SGIP1: variants seen among roughly 807,000 people sequenced by gnomAD.
SGIP1 encodes SH3-containing GRB2-like protein 3-interacting protein 1.
Under a neutral mutation model 107.5 loss-of-function variants are expected in SGIP1, and 38 were observed. The observed-to-expected ratio is 0.35, with a 90% CI of 0.27 to 0.46. The LOEUF is 0.46. SGIP1 is among the 20% of genes least tolerant of loss of function. The probability of loss-of-function intolerance (pLI) is 1.00; values close to 1 mark genes in which losing one functional copy is unlikely to be tolerated. For missense variants in SGIP1, 929 were observed against 1,019.5 expected, an observed-to-expected ratio of 0.91 and a Z score of 1.21; for synonymous variants, 365 against 366.1, an observed-to-expected ratio of 1.00 and a Z score of 0.03.
rs201209700 is a variant in SGIP1, at chr1:66,676,984, ATCT to A, written c.647-15_647-13del. 3,772 of 1,587,310 alleles carry A rather than the reference ATCT, an allele frequency of 2.4e-3. 84 individuals carry two copies. The African/African-American group carries it at 0.045, about 19-fold the overall frequency. On this transcript the variant is annotated splice_polypyrimidine_tract_variant and intron_variant, in intron 12 of 24. Transcript: ENST00000371037. ...GATTTTTTTTAACTCACCCTGGGAA[ATCT>A]TCTTTTTTGTTTCCAGTTCTTTTAG...
At chr1:66,639,944 AG>A in intron 5 of SGIP1, 111 bp downstream of exon 5, 1 of 828,298 alleles carries the variant, frequency 1.2e-6, no homozygotes, top group South Asian at 1.7e-5. Context: ...CCATGTCATT[AG>A]GAAGTGTCTG....
chr1:66,643,698 C>G lies in SGIP1; in HGVS notation c.438C>G (p.Ile146Met). ...VDELKASIGN[I>M]ALSPSPVRKS... ...AATTGAAGGCATCAATAGGCAACAT[C>G]GCACTTTCCCCATCACCAGTGGTGA... is the stretch of plus-strand genomic sequence containing the variant. The change falls in exon 7 of 25, where the codon ATC (isoleucine) becomes ATG (methionine). Residue 146 changes from isoleucine to methionine, a missense_variant. Ile to Met is a conservative substitution (Grantham distance 10). This residue lies in a region of SGIP1 where 588 missense variants were observed against 588.6 expected (regional missense o/e 1.00). Transcript: ENST00000371037. The G allele has an allele frequency of 6.2e-7, 1 of 1,609,638 alleles. No individual in the cohort carries two copies. Among genetic ancestry groups the G allele is most frequent in the African/African-American group, 1.3e-5 (1 of 74,608 alleles).
intron 15 of SGIP1, among the ~76,000 whole-genome samples, chr1:66,688,411 G>A (rs116317269): frequency 0.012 from 1,819 of 152,240 alleles, 36 homozygotes; most frequent in African/African-American, 0.041. Flanking sequence ...TGTTTCATAC[G>A]TTTGTCATTG....
At chr1:66,690,897 C>T (rs2089684375) in intron 17 of SGIP1, among the ~76,000 whole-genome samples, 2 of 152,040 alleles carry the variant, frequency 1.3e-5, no homozygotes, top group Non-Finnish European at 1.5e-5. Flanking sequence ...TCAGGAAATG[C>T]CTTTATGCCT....
At chr1:66,667,827 G>A (rs1423127367) in intron 9 of SGIP1, among the ~76,000 whole-genome samples, 3 of 152,180 alleles carry the variant, frequency 2.0e-5, no homozygotes, top group Non-Finnish European at 4.4e-5. Context: ...GTGTGTGTGT[G>A]TGTATGTGTA....
intron 15 of SGIP1, among the ~76,000 whole-genome samples, chr1:66,688,226 T>C (rs926876841): frequency 5.3e-5 from 8 of 152,094 alleles, no homozygotes; most frequent in African/African-American, 1.4e-4. Context: ...ACCTCAGGAG[T>C]AGTCAGAACT....
intron 19 of SGIP1, among the ~76,000 whole-genome samples, chr1:66,725,889 C>T (rs2093730380): frequency 1.3e-5 from 2 of 152,278 alleles, no homozygotes; most frequent in South Asian, 2.1e-4. Context: ...TGGGTGCTGC[C>T]GCCACCATGC....
intron 1 of SGIP1, among the ~76,000 whole-genome samples, chr1:66,621,831 TG>T (rs1453585962): frequency 2.0e-5 from 3 of 152,228 alleles, no homozygotes; most frequent in African/African-American, 7.2e-5. Context: ...GGCCACATTT[TG>T]CTTATCCATT....
chr1:66,676,205 A>G (rs1400906540), intron 12 of SGIP1, among the ~76,000 whole-genome samples: 1 of 152,226 alleles, frequency 6.6e-6, no homozygotes, highest in Non-Finnish European at 1.5e-5. Flanking sequence ...CCAAGGTCCT[A>G]CGGTCAGTGC....
rs780602586 is a variant in SGIP1 at position 66,550,152 on chromosome 1, G to A, written c.10+15784G>A. ...TCTTTCTTGTTCACCACTGGCCTAG[G>A]TCCTAGGCCATAAATCTAATCTTCA... On this transcript the variant is annotated intron_variant, in intron 1 of 24. Transcript: ENST00000371037. 3.8e-4 allele frequency among the ~76,000 whole-genome samples: 58 copies of A among 152,014 alleles called. 1 individual carries two copies. Among genetic ancestry groups the A allele is most frequent in the Non-Finnish European group, 1.5e-4 (10 of 67,992 alleles).
At chr1:66,560,794 CACTA>C (rs919492797) in intron 1 of SGIP1, among the ~76,000 whole-genome samples, 1 of 152,036 alleles carries the variant, frequency 6.6e-6, no homozygotes, top group Non-Finnish European at 1.5e-5. Flanking sequence ...TCAGTTATGC[CACTA>C]ACTGTGTGAC....
intron 1 of SGIP1, among the ~76,000 whole-genome samples, chr1:66,597,628 C>G (rs2064978957): frequency 6.6e-6 from 1 of 152,132 alleles, no homozygotes; most frequent in Non-Finnish European, 1.5e-5. Context: ...GATCTTACTT[C>G]CTCAGAATCC....
At chr1:66,647,005 G>C (rs1261807046) in intron 7 of SGIP1, among the ~76,000 whole-genome samples, 2 of 152,142 alleles carry the variant, frequency 1.3e-5, no homozygotes, top group Non-Finnish European at 2.9e-5. Flanking sequence ...CATCACCCAG[G>C]TTTGCCATCT....
intron 7 of SGIP1, among the ~76,000 whole-genome samples, chr1:66,646,374 T>C (rs1362654875): frequency 6.6e-6 from 1 of 152,194 alleles, no homozygotes; most frequent in East Asian, 1.9e-4. Flanking sequence ...AAACTATGGT[T>C]TTTATACTAC....
At chr1:66,607,314 C>T (rs1179619345) in intron 1 of SGIP1, among the ~76,000 whole-genome samples, 1 of 152,210 alleles carries the variant, frequency 6.6e-6, no homozygotes. Flanking sequence ...CCACAGTGTT[C>T]AGGTAGCCCA....
At chr1:66,675,247 G>C (rs769427871) in intron 12 of SGIP1, among the ~76,000 whole-genome samples, 7 of 152,158 alleles carry the variant, frequency 4.6e-5, no homozygotes, top group African/African-American at 9.7e-5. Context: ...TGAAGAAAAT[G>C]CTGCTTCGTA....
intron 5 of SGIP1, among the ~76,000 whole-genome samples, chr1:66,642,597 T>C (rs2076983364): frequency 6.6e-6 from 1 of 152,150 alleles, no homozygotes. Flanking sequence ...GACAGTTGAT[T>C]CCTCCTCGTT....
At chr1:66,720,176 T>G (rs1233749701) in intron 19 of SGIP1, among the ~76,000 whole-genome samples, 1 of 152,170 alleles carries the variant, frequency 6.6e-6, no homozygotes, top group Admixed American at 6.5e-5. Context: ...TGTGCATGTG[T>G]GCATTATTCT....
intron 18 of SGIP1, 114 bp downstream of exon 18, chr1:66,695,607 T>G: frequency 1.0e-6 from 1 of 965,798 alleles, no homozygotes; most frequent in Non-Finnish European, 1.5e-6. Context: ...ACTTTCTATA[T>G]GAAAATGCTA....
Sources: gnomAD v4.1 joint callset for allele counts (sites outside exome capture counted in the v4.1 genomes callset) on GRCh38, gnomAD v4.1.1 for gene constraint, gnomAD v4.1.1 regional missense constraint, MANE v1.5 for transcripts, NCBI Gene and HGNC (gene_info 2026-07-23, HGNC 2026-07-21) for gene names.